WDR70: variants seen among roughly 807,000 people sequenced by gnomAD.
WDR70 encodes the protein WD repeat domain 70, also known as WD repeat-containing protein 70.
In WDR70, 53 loss-of-function variants were observed where a neutral mutation model predicts 88.6. The ratio of observed to expected loss-of-function variants is 0.60; its 90% CI spans 0.48 to 0.75. WDR70 has a LOEUF of 0.75. Among genes scored for constraint, WDR70 ranks in the 30% least tolerant of loss-of-function variants. The pLI is 0.00. For missense variants in WDR70, 610 were observed against 823.2 expected (o/e 0.74, Z 3.17); for synonymous variants, 280 against 270.0 (o/e 1.04, Z -0.36).
chr5:37,663,409 T>C (rs1745754332), intron 10 of WDR70, among the ~76,000 whole-genome samples: 1 of 152,188 alleles, frequency 6.6e-6, no homozygotes, highest in Non-Finnish European at 1.5e-5. Flanking sequence ...GTAATATGAT[T>C]TCCTTGCTTC....
chr5:37,743,359 A>AGATTGCAT (rs762437132), intron 17 of WDR70, among the ~76,000 whole-genome samples: 7 of 152,232 alleles, frequency 4.6e-5, no homozygotes, highest in Non-Finnish European at 1.0e-4. Flanking sequence ...CGGAATGTGC[A>AGATTGCAT]GATGTGCAGA....
chr5:37,426,984 C>G (rs1750145924), intron 5 of WDR70, among the ~76,000 whole-genome samples: 1 of 152,072 alleles, frequency 6.6e-6, no homozygotes, highest in Admixed American at 6.6e-5. Flanking sequence ...CTGTATTGCC[C>G]AGGTTGGTCT....
rs551494751 is a variant in WDR70, at chr5:37,485,025, G to C, written c.840+5038G>C. ...GAGGAACTGCATTGTCTTGGGGAAA[G>C]GTTGTAGATATAGGGAGGGGTGATG... On this transcript the variant is annotated intron_variant, in intron 8 of 17. Coordinates refer to ENST00000265107, the MANE Select transcript of WDR70 (RefSeq NM_018034.4). 2.6e-5 allele frequency among the ~76,000 whole-genome samples: 4 copies of C among 152,336 alleles called. No homozygotes were observed. The East Asian group carries it at 7.7e-4, about 29-fold the overall frequency.
intron 7 of WDR70, among the ~76,000 whole-genome samples, chr5:37,472,740 C>A (rs899180754): frequency 1.3e-5 from 2 of 152,014 alleles, no homozygotes; most frequent in African/African-American, 4.8e-5. Context: ...CTCAAGTGAT[C>A]TGCCCACCTC....
chr5:37,589,286 A>ACACACACG (rs1743459652), intron 9 of WDR70, among the ~76,000 whole-genome samples: 1 of 145,938 alleles, frequency 6.9e-6, no homozygotes, highest in Admixed American at 6.8e-5. Flanking sequence ...ACACACACAC[A>ACACACACG]CGATATATTT....
chr5:37,607,952 G>A (rs1744079773), intron 10 of WDR70, among the ~76,000 whole-genome samples: 1 of 152,098 alleles, frequency 6.6e-6, no homozygotes, highest in African/African-American at 2.4e-5. Context: ...GTGAGAGAGG[G>A]GGAAAGAATA....
intron 10 of WDR70, among the ~76,000 whole-genome samples, chr5:37,683,026 TG>T (rs1262156652): frequency 1.3e-5 from 2 of 152,346 alleles, no homozygotes; most frequent in East Asian, 3.9e-4. Context: ...GCCCCTGTGT[TG>T]GGTGCATATG....
At chr5:37,741,264 A>G (rs1211162674) in intron 17 of WDR70, among the ~76,000 whole-genome samples, 1 of 149,496 alleles carries the variant, frequency 6.7e-6, no homozygotes, top group Admixed American at 6.7e-5. Context: ...TTTAATTTAA[A>G]AAGGTCTAAT....
At chr5:37,730,094 C>T (rs1377366858) in intron 17 of WDR70, among the ~76,000 whole-genome samples, 2 of 152,026 alleles carry the variant, frequency 1.3e-5, no homozygotes, top group Non-Finnish European at 2.9e-5. Context: ...AGTGTAATTA[C>T]AACATATGAA....
At chr5:37,631,300 A>C (rs1193242044) in intron 10 of WDR70, among the ~76,000 whole-genome samples, 1 of 152,156 alleles carries the variant, frequency 6.6e-6, no homozygotes. Flanking sequence ...TATGTTATAG[A>C]ACTAAATCAA....
At chr5:37,600,299 G>A (rs1052429523) in intron 9 of WDR70, among the ~76,000 whole-genome samples, 3 of 152,038 alleles carry the variant, frequency 2.0e-5, no homozygotes, top group African/African-American at 2.4e-5. Flanking sequence ...AGGCTGATGC[G>A]GGTGGATCAT....
chr5:37,445,733 T>C (rs534984213), intron 7 of WDR70, among the ~76,000 whole-genome samples: 2 of 152,302 alleles, frequency 1.3e-5, no homozygotes, highest in South Asian at 4.1e-4. Context: ...TTGACAAAAT[T>C]CAACAGCCCT....
At chr5:37,747,001 C>T (rs776534881) in intron 17 of WDR70, among the ~76,000 whole-genome samples, 1 of 152,162 alleles carries the variant, frequency 6.6e-6, no homozygotes. Flanking sequence ...CCCTGATGAA[C>T]ATTGATGCAA....
At chr5:37,528,949 G>A (rs1197219655) in intron 9 of WDR70, among the ~76,000 whole-genome samples, 2 of 112,258 alleles carry the variant, frequency 1.8e-5, no homozygotes, top group East Asian at 5.6e-4. Context: ...AATCTTTATG[G>A]TTTCAGGTCT....
At chr5:37,723,703 G>A (rs192282031) in intron 15 of WDR70, 2 of 152,338 alleles carry the variant, frequency 1.3e-5, no homozygotes, top group Non-Finnish European at 2.9e-5. Flanking sequence ...GTCCCTTGGA[G>A]CTTATGACCA....
chr5:37,741,081 A>C (rs559585596), intron 17 of WDR70, among the ~76,000 whole-genome samples: 3 of 152,298 alleles, frequency 2.0e-5, no homozygotes, highest in African/African-American at 4.8e-5. Context: ...CCTGGAAATT[A>C]GAAAACAAAG....
At chr5:37,518,968 T>G (rs892724093) in intron 9 of WDR70, among the ~76,000 whole-genome samples, 1 of 152,152 alleles carries the variant, frequency 6.6e-6, no homozygotes, top group Non-Finnish European at 1.5e-5. Context: ...AACCCTGAGT[T>G]GACACAGCAC....
At chr5:37,744,297 C>A (rs1428719960) in intron 17 of WDR70, among the ~76,000 whole-genome samples, 1 of 151,984 alleles carries the variant, frequency 6.6e-6, no homozygotes, top group Non-Finnish European at 1.5e-5. Flanking sequence ...AAGACCAAAA[C>A]TAGACAAACT....
At chr5:37,730,022 G>A (rs1748098915) in intron 17 of WDR70, among the ~76,000 whole-genome samples, 1 of 152,106 alleles carries the variant, frequency 6.6e-6, no homozygotes, top group Non-Finnish European at 1.5e-5. Context: ...GTGAAGGGTA[G>A]CATAATGTAA....
Sources: gnomAD v4.1 joint callset for allele counts (sites outside exome capture counted in the v4.1 genomes callset) on GRCh38, gnomAD v4.1.1 for gene constraint, MANE v1.5 for transcripts, NCBI Gene and HGNC (gene_info 2026-07-23, HGNC 2026-07-21) for gene names.